THADA: variants seen among roughly 807,000 people sequenced by gnomAD.
THADA encodes the protein THADA armadillo repeat containing, also known as tRNA (32-2'-O)-methyltransferase regulator THADA.
In THADA, 213 loss-of-function variants were observed where a neutral mutation model predicts 219.8. The observed-to-expected ratio is 0.97, with a 90% CI of 0.87 to 1.09. The LOEUF (loss-of-function observed/expected upper bound fraction) is 1.09. Ranked by LOEUF, THADA falls within the 50% of genes least tolerant of loss-of-function variation. THADA has a pLI of 0.00. For synonymous variants in THADA, 1,018 were observed against 828.9 expected, an observed-to-expected ratio of 1.23 and a Z score of -3.92; for missense variants, 2,956 against 2,311.3, an observed-to-expected ratio of 1.28 and a Z score of -5.72.
chr2:43,376,104 C>T (rs1264095549), intron 29 of THADA, among the ~76,000 whole-genome samples: 1 of 152,088 alleles, frequency 6.6e-6, no homozygotes, highest in Non-Finnish European at 1.5e-5. Context: ...CTGGCCTCTC[C>T]AAGGATTCTA....
At position 43,510,852 on chromosome 2, in the gene THADA, T is replaced by A. The variant is rs371398404; in HGVS notation, c.3375-2072A>T. Reference sequence around the variant, plus strand: ...CAGGTGTGGTGGCGGGCACCTGTAATCCCAGCTACTCGGGAGGCTGAAGCA... The same window carrying A: ...CAGGTGTGGTGGCGGGCACCTGTAAACCCAGCTACTCGGGAGGCTGAAGCA... On this transcript the variant is annotated intron_variant, in intron 22 of 37. Transcript: ENST00000405975. 7.2e-5 allele frequency among the ~76,000 whole-genome samples: 11 copies of A among 151,758 alleles called. No homozygotes were observed. In the South Asian group the frequency reaches 2.3e-3, roughly 32 times the overall value.
chr2:43,284,154 G>A (rs780080799), intron 35 of THADA, among the ~76,000 whole-genome samples: 4 of 152,090 alleles, frequency 2.6e-5, no homozygotes, highest in Non-Finnish European at 5.9e-5. Context: ...ACTGCAGCCT[G>A]GAAAACAAGA....
chr2:43,340,141 T>C (rs1458758336), intron 30 of THADA, among the ~76,000 whole-genome samples: 2 of 152,020 alleles, frequency 1.3e-5, no homozygotes, highest in Admixed American at 1.3e-4. Flanking sequence ...CTTTAGACAG[T>C]AAACTGGATC....
intron 21 of THADA, among the ~76,000 whole-genome samples, chr2:43,534,881 A>G (rs571128707): frequency 6.6e-6 from 1 of 152,298 alleles, no homozygotes; most frequent in East Asian, 1.9e-4. Flanking sequence ...TTGCTGGATC[A>G]TACGGTATTT....
At chr2:43,501,305 TC>T (rs1187369054) in intron 24 of THADA, among the ~76,000 whole-genome samples, 7 of 8,572 alleles carry the variant, frequency 8.2e-4, no homozygotes, top group African/African-American at 3.8e-3. Flanking sequence ...AAACTCCAAC[TC>T]CAAAAAAAAA....
intron 26 of THADA, among the ~76,000 whole-genome samples, chr2:43,437,666 G>A (rs1478602419): frequency 6.6e-6 from 1 of 152,188 alleles, no homozygotes; most frequent in Non-Finnish European, 1.5e-5. Context: ...ATGAGTTACT[G>A]CCACTGTGCC....
At position 43,498,919 on chromosome 2, in the gene THADA, C is replaced by A; in HGVS notation, c.3658G>T (p.Asp1220Tyr). 1 of 1,591,024 alleles carries A rather than the reference C, an allele frequency of 6.3e-7. No homozygotes were observed. Among genetic ancestry groups the A allele is most frequent in the Non-Finnish European group, 8.6e-7 (1 of 1,168,092 alleles). ...ALNILRALFR[D>Y]TRLGENIIPY... ...ATAATATTTTCTCCCAGGCGCGTAT[C>A]TCTGAACAATGCTCTAAGGATATTT... is the stretch of plus-strand genomic sequence containing the variant. The change falls in exon 25 of 38, where the codon GAT (aspartate) becomes TAT (tyrosine). Residue 1220 changes from aspartate (D) to tyrosine (Y), a missense_variant. Asp to Tyr is a radical substitution (Grantham distance 160). Coordinates refer to ENST00000405975, the MANE Select transcript of THADA (RefSeq NM_022065.5).
rs1699450429 is a variant in THADA, at chr2:43,572,870, C to G, written c.1852G>C (p.Glu618Gln). ...ATTCTTGCATCAGACACGAGGTTCT[C>G]CCAGGTATCAGTTGCAGACTGAAGA... is the stretch of plus-strand genomic sequence containing the variant. ...GHLQSATDTWENLVSDARIKQ... is the reference protein window; with the variant it reads ...GHLQSATDTWQNLVSDARIKQ... Residue 618 changes from glutamate (E) to glutamine (Q), a missense_variant, in exon 12 of 38, where the codon GAG becomes CAG. By Grantham distance (29) the Glu-to-Gln change is conservative (BLOSUM62 2). Transcript: ENST00000405975. 1 of 1,613,802 alleles carries G rather than the reference C, an allele frequency of 6.2e-7. No individual in the cohort carries two copies. The highest frequency in any genetic ancestry group is 1.3e-5 in the African/African-American group (1 of 74,926).
At chr2:43,337,383 T>A (rs776924963) in intron 30 of THADA, among the ~76,000 whole-genome samples, 58 of 152,196 alleles carry the variant, frequency 3.8e-4, no homozygotes, top group Non-Finnish European at 7.5e-4. Context: ...CCCAGTTGTT[T>A]TCACTGTAGA....
chr2:43,589,528 T>G (rs1701335752), intron 4 of THADA, among the ~76,000 whole-genome samples: 1 of 152,204 alleles, frequency 6.6e-6, no homozygotes, highest in African/African-American at 2.4e-5. Context: ...TAGAGATCAT[T>G]GCACTGCAAT....
chr2:43,515,460 G>A (rs1489727180), intron 22 of THADA, among the ~76,000 whole-genome samples: 2 of 128,780 alleles, frequency 1.6e-5, no homozygotes, highest in Non-Finnish European at 3.2e-5. Flanking sequence ...ACGAATTCGT[G>A]ACTTAGAAGA....
intron 29 of THADA, among the ~76,000 whole-genome samples, chr2:43,351,021 C>G (rs1053865465): frequency 6.6e-6 from 1 of 152,172 alleles, no homozygotes; most frequent in Admixed American, 6.5e-5. Flanking sequence ...ACTGGAAATT[C>G]ACTTTGGGCC....
At chr2:43,419,688 A>G (rs966281582) in intron 28 of THADA, among the ~76,000 whole-genome samples, 2 of 152,196 alleles carry the variant, frequency 1.3e-5, no homozygotes, top group African/African-American at 4.8e-5. Context: ...AAATCCTTCA[A>G]TTCAGCATTA....
At chr2:43,297,859 G>A (rs1373941635) in intron 31 of THADA, among the ~76,000 whole-genome samples, 1 of 114,376 alleles carries the variant, frequency 8.7e-6, no homozygotes, top group Non-Finnish European at 1.8e-5. Flanking sequence ...CAGCCGCCCC[G>A]TCCGGGAGGT....
chr2:43,501,855 A>G (rs1283295529), intron 24 of THADA, among the ~76,000 whole-genome samples: 1 of 152,112 alleles, frequency 6.6e-6, no homozygotes, highest in Non-Finnish European at 1.5e-5. Flanking sequence ...GAGGTGGGAG[A>G]ATAGCTTGAA....
chr2:43,415,820 A>T (rs1156305909), intron 28 of THADA, among the ~76,000 whole-genome samples: 1 of 152,198 alleles, frequency 6.6e-6, no homozygotes, highest in Admixed American at 6.5e-5. Context: ...GAATTCTATC[A>T]GGACATGGCA....
At chr2:43,263,729 A>G (rs552537187) in intron 36 of THADA, among the ~76,000 whole-genome samples, 2 of 152,302 alleles carry the variant, frequency 1.3e-5, no homozygotes, top group South Asian at 4.1e-4. Flanking sequence ...ATATTACACT[A>G]TAATACTTAT....
At chr2:43,243,327 T>C (rs990244014) in intron 36 of THADA, among the ~76,000 whole-genome samples, 3 of 152,172 alleles carry the variant, frequency 2.0e-5, no homozygotes, top group South Asian at 2.1e-4. Flanking sequence ...AGAGTCAGAG[T>C]TGGTGGTGCT....
chr2:43,273,742 G>T (rs911900938), intron 36 of THADA, among the ~76,000 whole-genome samples: 10 of 152,104 alleles, frequency 6.6e-5, no homozygotes, highest in African/African-American at 2.4e-4. Context: ...TCACTCCATA[G>T]GGCCACTGGA....
Sources: gnomAD v4.1 joint callset for allele counts (sites outside exome capture counted in the v4.1 genomes callset) on GRCh38, gnomAD v4.1.1 for gene constraint, MANE v1.5 for transcripts, NCBI Gene and HGNC (gene_info 2026-07-23, HGNC 2026-07-21) for gene names.